PTPRN2: variants seen among roughly 807,000 people sequenced by gnomAD.
The protein encoded by PTPRN2 is protein tyrosine phosphatase receptor type N2.
In PTPRN2, 74 loss-of-function variants were observed where a neutral mutation model predicts 118.8. The observed-to-expected ratio is 0.62, with a 90% CI of 0.52 to 0.76. The LOEUF is 0.76. Ranked by LOEUF, PTPRN2 falls within the 30% of genes least tolerant of loss-of-function variation. The pLI is 0.00. For missense variants in PTPRN2, 1,481 were observed against 1,394.4 expected, an observed-to-expected ratio of 1.06 and a Z score of -0.99; for synonymous variants, 641 against 608.0, an observed-to-expected ratio of 1.05 and a Z score of -0.80.
At chr7:158,497,702 C>G (rs1245328693) in intron 1 of PTPRN2, among the ~76,000 whole-genome samples, 1 of 152,228 alleles carries the variant, frequency 6.6e-6, no homozygotes, top group East Asian at 1.9e-4. Context: ...GGCATGTTCT[C>G]TGCGCCGCTG....
intron 2 of PTPRN2, among the ~76,000 whole-genome samples, chr7:158,357,547 G>A (rs1586441827): frequency 6.6e-6 from 1 of 152,352 alleles, no homozygotes; most frequent in East Asian, 1.9e-4. Flanking sequence ...TGCATTTGCT[G>A]CGCAGCCCAG....
chr7:158,077,639 T>C (rs1812479273), intron 11 of PTPRN2, among the ~76,000 whole-genome samples: 1 of 151,902 alleles, frequency 6.6e-6, no homozygotes, highest in South Asian at 2.1e-4. Context: ...AGAAACAGCC[T>C]GAACTCGGCC....
chr7:158,005,635 G>T (rs922851249), intron 11 of PTPRN2, among the ~76,000 whole-genome samples: 1 of 152,200 alleles, frequency 6.6e-6, no homozygotes, highest in Non-Finnish European at 1.5e-5. Context: ...ATGGGGTGCA[G>T]GGGGAGGTGC....
intron 3 of PTPRN2, among the ~76,000 whole-genome samples, chr7:158,252,192 G>A (rs1463545744): frequency 6.6e-6 from 1 of 152,164 alleles, no homozygotes; most frequent in African/African-American, 2.4e-5. Flanking sequence ...GGGAACGCGA[G>A]AGCACTTGAG....
intron 2 of PTPRN2, among the ~76,000 whole-genome samples, chr7:158,388,460 C>T (rs1000276202): frequency 2.0e-5 from 3 of 152,196 alleles, no homozygotes; most frequent in Admixed American, 6.5e-5. Context: ...GCACTTCACT[C>T]ACCATCACTA....
intron 13 of PTPRN2, among the ~76,000 whole-genome samples, chr7:157,673,616 C>A (rs555975608): frequency 6.6e-6 from 1 of 151,948 alleles, no homozygotes; most frequent in Non-Finnish European, 1.5e-5. Flanking sequence ...GAGCTCAGGC[C>A]CTTCCATGCT....
chr7:157,771,412 C>T (rs898694139), intron 12 of PTPRN2, among the ~76,000 whole-genome samples: 2 of 152,234 alleles, frequency 1.3e-5, no homozygotes, highest in African/African-American at 4.8e-5. Flanking sequence ...TAAAACTAAT[C>T]CCACCTGCTG....
At chr7:158,450,032 G>A (rs1278668588) in intron 2 of PTPRN2, among the ~76,000 whole-genome samples, 1 of 152,202 alleles carries the variant, frequency 6.6e-6, no homozygotes, top group East Asian at 1.9e-4. Context: ...GGATGGGGGT[G>A]CCAGCACAGT....
intron 3 of PTPRN2, among the ~76,000 whole-genome samples, chr7:158,277,646 G>A (rs1190759269): frequency 5.9e-5 from 9 of 152,198 alleles, no homozygotes; most frequent in African/African-American, 2.2e-4. Context: ...CACACGCAGG[G>A]GCTGGGACAT....
chr7:158,212,681 C>A (rs1827690691), intron 3 of PTPRN2, among the ~76,000 whole-genome samples: 1 of 152,098 alleles, frequency 6.6e-6, no homozygotes, highest in Non-Finnish European at 1.5e-5. Context: ...GTGGTCACAG[C>A]AAAGATACTC....
At chr7:157,738,707 C>T (rs902655523) in intron 12 of PTPRN2, among the ~76,000 whole-genome samples, 2 of 152,134 alleles carry the variant, frequency 1.3e-5, no homozygotes, top group Non-Finnish European at 2.9e-5. Flanking sequence ...TTTCTGGATA[C>T]GTGCTTGTTT....
At chr7:158,326,379 A>G (rs762730578) in intron 2 of PTPRN2, among the ~76,000 whole-genome samples, 1 of 152,250 alleles carries the variant, frequency 6.6e-6, no homozygotes, top group Admixed American at 6.5e-5. Flanking sequence ...TGGCAGACTC[A>G]GTCGGCCAGT....
intron 3 of PTPRN2, among the ~76,000 whole-genome samples, chr7:158,278,480 C>T (rs1186301159): frequency 2.6e-5 from 4 of 152,130 alleles, no homozygotes; most frequent in African/African-American, 4.8e-5. Context: ...TTGCTCGAAC[C>T]GGTAGCAGTG....
intron 2 of PTPRN2, among the ~76,000 whole-genome samples, chr7:158,337,269 A>T (rs1156778576): frequency 6.6e-6 from 1 of 150,806 alleles, no homozygotes; most frequent in Non-Finnish European, 1.5e-5. Flanking sequence ...TGCAGACGTC[A>T]CTCAAACTCA....
chr7:158,250,392 A>C (rs547642248), intron 3 of PTPRN2, among the ~76,000 whole-genome samples: 63 of 152,300 alleles, frequency 4.1e-4, no homozygotes, highest in African/African-American at 1.4e-3. Flanking sequence ...TATTTAAGAA[A>C]ATTGAAATGG....
chr7:157,983,741 G>A (rs1281101553), intron 11 of PTPRN2, among the ~76,000 whole-genome samples: 1 of 152,240 alleles, frequency 6.6e-6, no homozygotes, highest in African/African-American at 2.4e-5. Flanking sequence ...GAATCCCTGT[G>A]CTGAGTTGTT....
intron 6 of PTPRN2, among the ~76,000 whole-genome samples, chr7:158,144,847 A>C (rs1819746802): frequency 1.3e-5 from 2 of 152,178 alleles, no homozygotes; most frequent in African/African-American, 4.8e-5. Flanking sequence ...AACTTTGCAA[A>C]ATGATGCTTA....
chr7:158,329,562 C>A (rs769825681), intron 2 of PTPRN2, among the ~76,000 whole-genome samples: 2 of 152,188 alleles, frequency 1.3e-5, no homozygotes, highest in Non-Finnish European at 2.9e-5. Context: ...AGGGGACTCG[C>A]CAGACACCAG....
At chr7:157,675,492 G>A (rs1352910354) in intron 13 of PTPRN2, among the ~76,000 whole-genome samples, 1 of 152,122 alleles carries the variant, frequency 6.6e-6, no homozygotes, top group Non-Finnish European at 1.5e-5. Context: ...CAGGTTTCAG[G>A]GCTTTGCTTC....
Sources: gnomAD v4.1 joint callset for allele counts (sites outside exome capture counted in the v4.1 genomes callset) on GRCh38, gnomAD v4.1.1 for gene constraint, MANE v1.5 for transcripts, NCBI Gene and HGNC (gene_info 2026-07-23, HGNC 2026-07-21) for gene names.